RBPJ: variants seen among roughly 807,000 people sequenced by gnomAD.
RBPJ encodes recombining binding protein suppressor of hairless.
Under a neutral mutation model 67.8 loss-of-function variants are expected in RBPJ, and 9 were observed. The ratio of observed to expected loss-of-function variants is 0.13; its 90% CI spans 0.08 to 0.23. The LOEUF is 0.23. Among genes scored for constraint, RBPJ ranks in the 10% least tolerant of loss-of-function variants. RBPJ has a pLI of 1.00. For missense variants in RBPJ, 305 were observed against 595.6 expected, an observed-to-expected ratio of 0.51 and a Z score of 5.08; for synonymous variants, 198 against 203.3, an observed-to-expected ratio of 0.97 and a Z score of 0.22.
intron 1 of RBPJ, among the ~76,000 whole-genome samples, chr4:26,172,111 T>A (rs991583306): frequency 6.6e-6 from 1 of 152,178 alleles, no homozygotes; most frequent in African/African-American, 2.4e-5. Flanking sequence ...ATTGATGATA[T>A]CATCCAGGAA....
intron 1 of RBPJ, among the ~76,000 whole-genome samples, chr4:26,285,306 G>A (rs1365438958): frequency 7.3e-6 from 1 of 137,010 alleles, no homozygotes; most frequent in East Asian, 2.2e-4. Context: ...GGGCCCCAGT[G>A]TTATGGAACT....
chr4:26,339,976 G>A (rs371341208), intron 1 of RBPJ, among the ~76,000 whole-genome samples: 102 of 151,888 alleles, frequency 6.7e-4, no homozygotes, highest in South Asian at 5.0e-3. Context: ...GTGAGACCAC[G>A]CCATTGCGCT....
chr4:26,283,000 G>A (rs182701411), intron 1 of RBPJ, among the ~76,000 whole-genome samples: 4 of 118,922 alleles, frequency 3.4e-5, no homozygotes, highest in Admixed American at 9.8e-5. Flanking sequence ...GCACAATCTC[G>A]GCTCACTGCA....
intron 1 of RBPJ, among the ~76,000 whole-genome samples, chr4:26,285,637 T>C (rs897450122): frequency 7.2e-6 from 1 of 138,158 alleles, no homozygotes; most frequent in African/African-American, 2.9e-5. Context: ...AAAACCCTTA[T>C]GTAAAAATGG....
the RBPJ span, among the ~76,000 whole-genome samples, chr4:26,142,785 T>A: frequency 1.3e-5 from 2 of 151,772 alleles, no homozygotes; most frequent in Non-Finnish European, 2.9e-5. Context: ...TGTGTGTGTG[T>A]GTGAGAGAGA....
intron 1 of RBPJ, among the ~76,000 whole-genome samples, chr4:26,223,178 T>C (rs540522063): frequency 6.6e-6 from 1 of 150,886 alleles, no homozygotes; most frequent in African/African-American, 2.4e-5. Flanking sequence ...AAAAGAATTA[T>C]ACTTTAATTA....
At chr4:26,336,310 T>G (rs1724832009) in intron 1 of RBPJ, among the ~76,000 whole-genome samples, 2 of 152,180 alleles carry the variant, frequency 1.3e-5, no homozygotes, top group African/African-American at 4.8e-5. Flanking sequence ...AGAGTTATGG[T>G]TACTATTTCT....
chr4:26,377,716 A>AT (rs1198506389), intron 1 of RBPJ, among the ~76,000 whole-genome samples: 2 of 152,018 alleles, frequency 1.3e-5, no homozygotes, highest in Admixed American at 6.5e-5. Context: ...TTACTGAGAC[A>AT]TTTTTTTCTG....
intron 1 of RBPJ, among the ~76,000 whole-genome samples, chr4:26,190,337 T>A (rs375326733): frequency 6.6e-6 from 1 of 152,262 alleles, no homozygotes. Flanking sequence ...CTGGTCCCTA[T>A]GGGAAACATA....
chr4:26,153,982 A>G, the RBPJ span, among the ~76,000 whole-genome samples: 1 of 152,136 alleles, frequency 6.6e-6, no homozygotes, highest in African/African-American at 2.4e-5. Flanking sequence ...AACATTTGAG[A>G]TTTCAGATTT....
At chr4:26,229,419 TC>T (rs1719197294) in intron 1 of RBPJ, among the ~76,000 whole-genome samples, 1 of 152,188 alleles carries the variant, frequency 6.6e-6, no homozygotes, top group Admixed American at 6.5e-5. Flanking sequence ...ATTTTCTTCC[TC>T]CTGTTGGTGG....
At chr4:26,202,394 A>T (rs939694793) in intron 1 of RBPJ, among the ~76,000 whole-genome samples, 1 of 151,874 alleles carries the variant, frequency 6.6e-6, no homozygotes, top group Non-Finnish European at 1.5e-5. Flanking sequence ...CTCCACTTAC[A>T]TGTCCAATAG....
intron 1 of RBPJ, among the ~76,000 whole-genome samples, chr4:26,263,325 C>T (rs797013232): frequency 2.7e-5 from 4 of 150,598 alleles, no homozygotes; most frequent in African/African-American, 9.8e-5. Flanking sequence ...CCCGCCCCAC[C>T]CCGTGCATCA....
At chr4:26,247,791 T>C (rs1719977659) in intron 1 of RBPJ, among the ~76,000 whole-genome samples, 2 of 152,224 alleles carry the variant, frequency 1.3e-5, no homozygotes, top group African/African-American at 4.8e-5. Flanking sequence ...AAGTTACTGA[T>C]ATTTTAAAAT....
intron 1 of RBPJ, among the ~76,000 whole-genome samples, chr4:26,254,084 G>A (rs1194495754): frequency 6.7e-6 from 1 of 148,598 alleles, no homozygotes. Context: ...GCATCAGTCT[G>A]TCCACTTCTT....
intron 4 of RBPJ, 60 bp downstream of exon 4, chr4:26,415,700 A>G (rs1734515595): frequency 3.4e-6 from 5 of 1,466,002 alleles, no homozygotes; most frequent in African/African-American, 1.4e-5. Flanking sequence ...TGTAGTTTTC[A>G]TATTCATTTT....
At chr4:26,165,703 AT>A (rs1413979950) in intron 1 of RBPJ, among the ~76,000 whole-genome samples, 24 of 133,538 alleles carry the variant, frequency 1.8e-4, no homozygotes, top group Non-Finnish European at 2.4e-4. Flanking sequence ...ATATTTTTTC[AT>A]TTTTTTTCTT....
At chr4:26,226,236 G>A (rs1719072054) in intron 1 of RBPJ, among the ~76,000 whole-genome samples, 1 of 152,030 alleles carries the variant, frequency 6.6e-6, no homozygotes, top group South Asian at 2.1e-4. Flanking sequence ...AGGCCAAGGA[G>A]GGAAGATCAT....
chr4:26,284,712 C>T (rs1721402656), intron 1 of RBPJ, among the ~76,000 whole-genome samples: 1 of 152,076 alleles, frequency 6.6e-6, no homozygotes, highest in Non-Finnish European at 1.5e-5. Context: ...CAAATTCGTC[C>T]ACCTCAGCCT....
Sources: gnomAD v4.1 joint callset for allele counts (sites outside exome capture counted in the v4.1 genomes callset) on GRCh38, gnomAD v4.1.1 for gene constraint, MANE v1.5 for transcripts, NCBI Gene and HGNC (gene_info 2026-07-23, HGNC 2026-07-21) for gene names.